VDR: variants seen among roughly 807,000 people sequenced by gnomAD.
VDR encodes the protein vitamin D3 receptor.
In VDR, 19 loss-of-function variants were observed where a neutral mutation model predicts 39.7. The ratio of observed to expected loss-of-function variants is 0.48; its 90% CI spans 0.33 to 0.70. The LOEUF (loss-of-function observed/expected upper bound fraction) is 0.70. Among genes scored for constraint, VDR ranks in the 30% least tolerant of loss-of-function variants. VDR has a pLI of 0.02. For synonymous variants in VDR, 242 were observed against 215.8 expected, an observed-to-expected ratio of 1.12 and a Z score of -1.07; for missense variants, 442 against 570.5, an observed-to-expected ratio of 0.77 and a Z score of 2.29.
intron 7 of VDR, 109 bp downstream of exon 7, chr12:47,855,521 A>C: frequency 7.3e-7 from 1 of 1,366,992 alleles, no homozygotes; most frequent in Non-Finnish European, 1.0e-6. Flanking sequence ...TGCCGTTTAA[A>C]AAAATAAAAA....
intron 4 of VDR, among the ~76,000 whole-genome samples, chr12:47,860,702 G>C (rs1297474278): frequency 6.6e-6 from 1 of 152,118 alleles, no homozygotes; most frequent in Non-Finnish European, 1.5e-5. Context: ...GCTGGGCTTT[G>C]GAGTTCTTGG....
At chr12:47,894,633 T>G (rs1459509639) in intron 1 of VDR, among the ~76,000 whole-genome samples, 1 of 152,224 alleles carries the variant, frequency 6.6e-6, no homozygotes, top group Non-Finnish European at 1.5e-5. Flanking sequence ...GGCTGGTCAG[T>G]AGCCCAGGAT....
chr12:47,898,948 G>T (rs1272121661), intron 1 of VDR, among the ~76,000 whole-genome samples: 7 of 152,196 alleles, frequency 4.6e-5, no homozygotes, highest in African/African-American at 1.4e-4. Flanking sequence ...GGGCTTTTAA[G>T]GTGCTGTGAA....
chr12:47,890,620 C>T (rs577855638), intron 1 of VDR, among the ~76,000 whole-genome samples: 2 of 152,056 alleles, frequency 1.3e-5, no homozygotes, highest in South Asian at 4.1e-4. Context: ...TGGCTTAGCA[C>T]GGTTCCTCCC....
intron 2 of VDR, 71 bp downstream of exon 2, chr12:47,882,623 G>GCCCCCGGGCCCCC: frequency 1.8e-6 from 1 of 543,282 alleles, no homozygotes. Flanking sequence ...ACCTTCTTAT[G>GCCCCCGGGCCCCC]CCCCTCCCCC....
chr12:47,873,078 T>A (rs1302466572), intron 3 of VDR, among the ~76,000 whole-genome samples: 1 of 152,198 alleles, frequency 6.6e-6, no homozygotes, highest in Admixed American at 6.5e-5. Flanking sequence ...CCAAATCCCA[T>A]CTCGAATTGT....
chr12:47,873,368 T>C (rs1276853932), intron 3 of VDR, among the ~76,000 whole-genome samples: 2 of 126,854 alleles, frequency 1.6e-5, no homozygotes, highest in Admixed American at 7.7e-5. Flanking sequence ...TTTTTTTTTT[T>C]TTTTTTTTTT....
chr12:47,903,233 C>A (rs1245252578), intron 1 of VDR, among the ~76,000 whole-genome samples: 2 of 152,174 alleles, frequency 1.3e-5, no homozygotes, highest in Middle Eastern at 3.4e-3. Flanking sequence ...AAACCCAAAG[C>A]CATGGGACCC....
At chr12:47,856,549 C>T (rs1377172436) in intron 6 of VDR, among the ~76,000 whole-genome samples, 1 of 149,796 alleles carries the variant, frequency 6.7e-6, no homozygotes, top group Non-Finnish European at 1.5e-5. Flanking sequence ...AAAACAATGC[C>T]ATATAAAAAA....
intron 2 of VDR, among the ~76,000 whole-genome samples, chr12:47,879,981 C>T (rs1946111320): frequency 6.6e-6 from 1 of 152,114 alleles, no homozygotes; most frequent in African/African-American, 2.4e-5. Flanking sequence ...TGGCTTGACT[C>T]TTTCATTAGC....
chr12:47,855,946 C>A, intron 6 of VDR, 145 bp from the exon 7 acceptor site: 1 of 915,006 alleles, frequency 1.1e-6, no homozygotes, highest in Admixed American at 2.0e-5. Context: ...CCCTTCAGCC[C>A]CAGGCTTCCC....
intron 3 of VDR, among the ~76,000 whole-genome samples, chr12:47,869,665 T>TG (rs1471781302): frequency 1.4e-5 from 2 of 147,922 alleles, no homozygotes; most frequent in Admixed American, 6.7e-5. Context: ...GAGGCTGAGG[T>TG]GGGCAGATAG....
chr12:47,871,378 T>TC lies in VDR; in HGVS notation c.147-6202_147-6201insG, dbSNP rs1491436027. On this transcript the variant is annotated intron_variant, in intron 3 of 9. Coordinates refer to ENST00000549336, the MANE Select transcript of VDR (RefSeq NM_000376.3). ...TCTTTCCTTTCTCTCTCTCTCTCTC[T>TC]TCCTTCCTTCCTTCCTCTCTTTCTC... is the stretch of plus-strand genomic sequence containing the variant. 1.4e-4 allele frequency among the ~76,000 whole-genome samples: 17 copies of TC among 122,042 alleles called. 2 individuals carry two copies. The highest frequency in any genetic ancestry group is 7.8e-4 in the East Asian group (2 of 2,560). 80.1% of individuals were successfully genotyped at this position (122,042 alleles called of 152,430 possible). A position where few individuals can be genotyped will look rare whatever the true frequency, so the allele number is the denominator to read the frequency against.
intron 4 of VDR, among the ~76,000 whole-genome samples, chr12:47,858,067 A>G (rs1388963300): frequency 8.7e-6 from 1 of 115,046 alleles, no homozygotes; most frequent in Admixed American, 8.7e-5. Context: ...ACCTTCCTCC[A>G]TAAAGTGTGT....
intron 3 of VDR, among the ~76,000 whole-genome samples, chr12:47,868,290 C>A (rs12721370): frequency 0.1 from 15,428 of 152,166 alleles, 822 homozygotes; most frequent in East Asian, 0.2. Context: ...GCTCTGGTAC[C>A]CTGCTGTGAC....
Position 47,844,443 on chromosome 12 carries a change from C to A in VDR, c.*303G>T. The A allele has an allele frequency of 1.8e-6, 1 of 550,532 alleles. No homozygotes were observed. The highest frequency in any genetic ancestry group is 3.3e-6 in the Non-Finnish European group (1 of 304,506). 34.1% of individuals were successfully genotyped at this position (550,532 alleles called of 1,614,324 possible). A position where few individuals can be genotyped will look rare whatever the true frequency, so the allele number is the denominator to read the frequency against. On this transcript the variant is annotated 3_prime_UTR_variant, in exon 10 of 10. Coordinates refer to ENST00000549336, the MANE Select transcript of VDR (RefSeq NM_000376.3). The stretch of plus-strand genomic sequence containing the variant: ...CATCAGTCAGCAGCCACTTAGGCAG[C>A]GGTGGAGGCATCTCTGGGCAAGGCC...
Position 47,844,622 on chromosome 12 carries a change from G to A in VDR, c.*124C>T. 1.5e-6 allele frequency: 2 copies of A among 1,332,868 alleles called. No individual in the cohort carries two copies. Among genetic ancestry groups the A allele is most frequent in the Non-Finnish European group, 2.1e-6 (2 of 955,302 alleles). The allele number at this position is 1,332,868 out of a possible 1,614,324, so 82.6% of individuals were successfully genotyped here. ...AGAATGGGCTGGGTGGATAGGGGAG[G>A]TGGCAGAGGAGGGGCTGAACCCCAG... On this transcript the variant is annotated 3_prime_UTR_variant, in exon 10 of 10. Coordinates refer to ENST00000549336, the MANE Select transcript of VDR (RefSeq NM_000376.3).
At chr12:47,863,769 G>A (rs771028833) in intron 4 of VDR, among the ~76,000 whole-genome samples, 7 of 152,202 alleles carry the variant, frequency 4.6e-5, no homozygotes, top group East Asian at 3.8e-4. Context: ...CTGGGGAGCC[G>A]TCAGATCAGG....
At chr12:47,883,789 G>GT (rs759063741) in intron 1 of VDR, among the ~76,000 whole-genome samples, 3 of 152,250 alleles carry the variant, frequency 2.0e-5, no homozygotes, top group Non-Finnish European at 2.9e-5. Flanking sequence ...AGCAGGGAAG[G>GT]GGGAGAGCTC....
Sources: allele counts gnomAD v4.1 joint callset (sites outside exome capture counted in the v4.1 genomes callset), GRCh38; gene constraint gnomAD v4.1.1; transcripts MANE v1.5; gene names NCBI Gene and HGNC (gene_info 2026-07-23, HGNC 2026-07-21).